Variants in SEZ6 observed in about 807,000 individuals in gnomAD.
SEZ6 encodes the protein seizure related 6 homolog.
Under a neutral mutation model 101.0 loss-of-function variants are expected in SEZ6, and 53 were observed. That is an observed-to-expected ratio of 0.52 (90% CI 0.42 to 0.66). The LOEUF is 0.66. SEZ6 is among the 30% of genes least tolerant of loss of function. The probability of loss-of-function intolerance (pLI) is 0.00; values close to 1 mark genes in which losing one functional copy is unlikely to be tolerated. For synonymous variants in SEZ6, 488 were observed against 512.2 expected (o/e 0.95, Z 0.64); for missense variants, 1,102 against 1,289.4 (o/e 0.85, Z 2.23).
chr17:28,974,009 G>A (rs1260195633), intron 3 of SEZ6, among the ~76,000 whole-genome samples: 3 of 152,204 alleles, frequency 2.0e-5, no homozygotes, highest in Admixed American at 2.0e-4. Context: ...CCCTTTCCAG[G>A]ATGGGAGGTG....
intron 1 of SEZ6, among the ~76,000 whole-genome samples, chr17:28,985,641 G>A (rs2041369189): frequency 6.6e-6 from 1 of 152,218 alleles, no homozygotes; most frequent in East Asian, 1.9e-4. Context: ...GCCCCTGTCA[G>A]GGGAACACTG....
At chr17:28,975,793 A>G (rs2152687784) in intron 3 of SEZ6, among the ~76,000 whole-genome samples, 1 of 152,360 alleles carries the variant, frequency 6.6e-6, no homozygotes, top group East Asian at 1.9e-4. Flanking sequence ...GTGTGCCAAC[A>G]GAGCCACCTG....
At chr17:28,970,244 C>T (rs1053058595) in intron 3 of SEZ6, among the ~76,000 whole-genome samples, 2 of 152,178 alleles carry the variant, frequency 1.3e-5, no homozygotes, top group African/African-American at 4.8e-5. Flanking sequence ...TTTTCAGATA[C>T]ACCAGCTGCT....
At chr17:28,987,012 G>A (rs1326122415) in intron 1 of SEZ6, among the ~76,000 whole-genome samples, 2 of 152,132 alleles carry the variant, frequency 1.3e-5, no homozygotes, top group East Asian at 1.9e-4. Context: ...CCTGATCCCC[G>A]CCTCATGGCA....
chr17:28,985,948 C>T (rs2041374907), intron 1 of SEZ6, among the ~76,000 whole-genome samples: 2 of 152,204 alleles, frequency 1.3e-5, no homozygotes, highest in Admixed American at 6.5e-5. Flanking sequence ...CAGTCCTCCC[C>T]TCCCGCAGGG....
At position 28,959,196 on chromosome 17, in the gene SEZ6, G is replaced by A; in HGVS notation, c.1936C>T (p.Leu646Phe). Residue 646 changes from leucine (L) to phenylalanine (F), a missense_variant, in exon 10 of 17, where the codon CTT becomes TTT. Coordinates refer to ENST00000317338, the MANE Select transcript of SEZ6 (RefSeq NM_178860.5). This position sits in a 1 kb window ranked among gnomAD's most constrained non-coding sequence, Gnocchi z 4.4. ...AGGTCATCCCCATCATAGAAGGTAA[G>A]CACATCACCAGGGCCTATGCGCAGC... ...RVLRIGPGDV[L>F]TFYDGDDLTA... is the part of the protein sequence containing the mutation. The A allele has an allele frequency of 6.2e-7, 1 of 1,613,498 alleles. No individual in the cohort carries two copies. The highest frequency in any genetic ancestry group is 1.1e-5 in the South Asian group (1 of 90,986).
At chr17:28,979,295 A>G (rs2041265407) in intron 3 of SEZ6, among the ~76,000 whole-genome samples, 2 of 152,190 alleles carry the variant, frequency 1.3e-5, no homozygotes, top group African/African-American at 4.8e-5. Context: ...AGAAGCCAGC[A>G]CAGAACCTGA....
chr17:28,982,349 G>A (rs9893494), intron 1 of SEZ6, among the ~76,000 whole-genome samples: 6,348 of 152,168 alleles, frequency 0.042, 470 homozygotes, highest in African/African-American at 0.14. Flanking sequence ...ACTCCACGAG[G>A]TCACACCTGA....
chr17:28,972,608 G>C (rs1418304719), intron 3 of SEZ6, among the ~76,000 whole-genome samples: 1 of 152,228 alleles, frequency 6.6e-6, no homozygotes, highest in African/African-American at 2.4e-5. Flanking sequence ...TTTGGGCGGA[G>C]GCTGCCTGAC....
At position 28,959,713 on chromosome 17, in the gene SEZ6, C is replaced by G. The variant is rs1035721904; in HGVS notation, c.1756G>C (p.Glu586Gln). Residue 586 changes from glutamate to glutamine, a missense_variant, in exon 8 of 17, where the codon GAG (glutamate) becomes CAG (glutamine). Physicochemically the swap from Glu to Gln is conservative, Grantham distance 29. Transcript: ENST00000317338. The surrounding 1 kb of genome is among the most constrained non-coding windows in gnomAD (Gnocchi z 4.4). ...DPHDPQWNETEPACRAVCSGE... is the reference protein window; with the variant it reads ...DPHDPQWNETQPACRAVCSGE... Reference sequence around the variant, plus strand: ...GTCTACTGACCTCGGCAGGCTGGCTCTGTCTCATTCCACTGGGGGTCGTGG... The same window carrying G: ...GTCTACTGACCTCGGCAGGCTGGCTGTGTCTCATTCCACTGGGGGTCGTGG... 1.9e-6 allele frequency: 3 copies of G among 1,598,438 alleles called. No homozygotes were observed. Among genetic ancestry groups the G allele is most frequent in the Non-Finnish European group, 2.6e-6 (3 of 1,171,210 alleles).
intron 3 of SEZ6, among the ~76,000 whole-genome samples, chr17:28,975,632 C>A (rs2041210822): frequency 6.6e-6 from 1 of 152,234 alleles, no homozygotes; most frequent in Admixed American, 6.5e-5. Context: ...CTTGGATAAG[C>A]CTGCCTAGAG....
chr17:28,960,921 T>C lies in SEZ6; in HGVS notation c.1293A>G (p.Pro431=), dbSNP rs1209639041. The change falls in exon 6 of 17, where the codon CCA becomes CCG. Residue 431 remains proline (P), a synonymous_variant. Coordinates refer to ENST00000317338, the MANE Select transcript of SEZ6 (RefSeq NM_178860.5). ...RNATTGRIVS[P]GFPGNYSNNL... is the part of the protein sequence containing the mutation. ...TGTTGCTGTAGTTGCCCGGGAAGCC[T>C]GGAGAGACGATGCGGCCGGTGGTGG... 1.9e-6 allele frequency: 3 copies of C among 1,613,830 alleles called. No individual in the cohort carries two copies. Among genetic ancestry groups the C allele is most frequent in the Non-Finnish European group, 1.7e-6 (2 of 1,179,836 alleles).
chr17:28,998,799 G>T (rs2041577149), intron 1 of SEZ6, among the ~76,000 whole-genome samples: 1 of 152,112 alleles, frequency 6.6e-6, no homozygotes. Context: ...AGGCTTGCTG[G>T]GTCGTCACAG....
At chr17:28,958,650 C>T (rs1244886642) in intron 10 of SEZ6, among the ~76,000 whole-genome samples, 2 of 151,972 alleles carry the variant, frequency 1.3e-5, no homozygotes, top group African/African-American at 4.8e-5. Context: ...ATTAGCCAGG[C>T]GTGGTGGCAT....
chr17:28,959,523 T>A lies in SEZ6; in HGVS notation c.1772-51A>T, dbSNP rs1598179012. On this transcript the variant is annotated intron_variant, in intron 8 of 16. Coordinates refer to ENST00000317338, the MANE Select transcript of SEZ6 (RefSeq NM_178860.5). The surrounding 1 kb of genome is among the most constrained non-coding windows in gnomAD (Gnocchi z 4.4). The stretch of plus-strand genomic sequence containing the variant: ...GGTCTTTTCAAGCTTACCATGGTGT[T>A]GCTTACCATCTGCCCGCAGGAGTGC... 1 of 1,595,988 alleles carries A rather than the reference T, an allele frequency of 6.3e-7. No individual in the cohort carries two copies. Among genetic ancestry groups the A allele is most frequent in the East Asian group, 2.2e-5 (1 of 44,660 alleles).
At chr17:28,994,230 C>T (rs956638322) in intron 1 of SEZ6, among the ~76,000 whole-genome samples, 30 of 151,838 alleles carry the variant, frequency 2.0e-4, no homozygotes, top group African/African-American at 7.3e-4. Context: ...TGCCCGGCCT[C>T]TCTGGGCCTG....
Position 29,005,616 on chromosome 17 carries a change from T to C in SEZ6, c.55+199A>G, listed in dbSNP as rs1326797184. On this transcript the variant is annotated intron_variant, in intron 1 of 16. Coordinates refer to ENST00000317338, the MANE Select transcript of SEZ6 (RefSeq NM_178860.5). The surrounding 1 kb of genome is among the most constrained non-coding windows in gnomAD (Gnocchi z 4.8). Reference sequence around the variant, plus strand: ...AGACGAGGTCTCGGCCGGGCGCGAATGGCGGGAGCCGCGGCAGCTTCCCGC... The same window carrying C: ...AGACGAGGTCTCGGCCGGGCGCGAACGGCGGGAGCCGCGGCAGCTTCCCGC... 6.6e-6 allele frequency among the ~76,000 whole-genome samples: 1 copy of C among 151,374 alleles called. No individual in the cohort carries two copies. Among genetic ancestry groups the C allele is most frequent in the African/African-American group, 2.4e-5 (1 of 41,304 alleles).
In SEZ6 at chr17:28,969,967, G is replaced by T; in HGVS notation, c.859-15C>A. 1 of 1,518,738 alleles carries T rather than the reference G, an allele frequency of 6.6e-7. No individual in the cohort carries two copies. Among genetic ancestry groups the T allele is most frequent in the South Asian group, 1.3e-5 (1 of 75,120 alleles). The allele number at this position is 1,518,738 out of a possible 1,614,324, so 94.1% of individuals were successfully genotyped here. On this transcript the variant is annotated splice_polypyrimidine_tract_variant and intron_variant, in intron 3 of 16. Coordinates refer to ENST00000317338, the MANE Select transcript of SEZ6 (RefSeq NM_178860.5). ...ATATTCTGGACCTGTCAGTAGAGTA[G>T]AGAGAGAAAAGCAAAGTAGTCAGAC...
chr17:28,974,353 A>G lies in SEZ6; in HGVS notation c.859-4401T>C, dbSNP rs555902383. Among the ~76,000 whole-genome samples the G allele has an allele frequency of 1.7e-4, 25 of 150,814 alleles. No homozygotes were observed. The South Asian group carries it at 4.6e-3, about 28-fold the overall frequency. ...AACGTGTCATGGCACGTGCACTTCC[A>G]CCCCCTGGCAGAAAATAACCCACCA... is the stretch of plus-strand genomic sequence containing the variant. On this transcript the variant is annotated intron_variant, in intron 3 of 16. Transcript: ENST00000317338.
Sources: allele counts gnomAD v4.1 joint callset (sites outside exome capture counted in the v4.1 genomes callset), GRCh38; gene constraint gnomAD v4.1.1; non-coding constraint Gnocchi (gnomAD v3.1); transcripts MANE v1.5; gene names NCBI Gene and HGNC (gene_info 2026-07-23, HGNC 2026-07-21).